The following PLCB1 variants were observed in gnomAD, a reference collection of about 807,000 sequenced individuals.
PLCB1 encodes the protein 1-phosphatidylinositol 4,5-bisphosphate phosphodiesterase beta-1.
PLCB1 carries 46 observed loss-of-function variants against 161.8 expected under a neutral mutation model. That is an observed-to-expected ratio of 0.28 (90% CI 0.22 to 0.36). The LOEUF (loss-of-function observed/expected upper bound fraction) is 0.36, where lower values mean the gene tolerates loss of function less well. PLCB1 is among the 10% of genes least tolerant of loss of function. The pLI, the probability that PLCB1 is intolerant of heterozygous loss-of-function variation, is 1.00. For synonymous variants in PLCB1, 517 were observed against 503.7 expected (o/e 1.03, Z -0.35); for missense variants, 1,016 against 1,472.5 (o/e 0.69, Z 5.07).
intron 2 of PLCB1, among the ~76,000 whole-genome samples, chr20:8,262,101 C>CAA (rs1389836555): frequency 6.6e-6 from 1 of 151,986 alleles, no homozygotes; most frequent in Non-Finnish European, 1.5e-5. Context: ...CTTGCTCTGT[C>CAA]AGAGTCTTGC....
intron 2 of PLCB1, among the ~76,000 whole-genome samples, chr20:8,262,050 T>A (rs1237273363): frequency 6.6e-6 from 1 of 152,046 alleles, no homozygotes; most frequent in East Asian, 1.9e-4. Flanking sequence ...TGTTTTTATG[T>A]GCGTTTTTGT....
chr20:8,696,931 C>T (rs1031492369), intron 10 of PLCB1, among the ~76,000 whole-genome samples: 1 of 152,134 alleles, frequency 6.6e-6, no homozygotes, highest in African/African-American at 2.4e-5. Context: ...GATGGGGTTT[C>T]ACCATGTTAG....
At chr20:8,515,672 C>A (rs1366894733) in intron 3 of PLCB1, among the ~76,000 whole-genome samples, 1 of 152,106 alleles carries the variant, frequency 6.6e-6, no homozygotes, top group Non-Finnish European at 1.5e-5. Context: ...TTGAGGGAGG[C>A]ACAATATAAA....
chr20:8,879,601 AAG>A (rs1168895074), intron 31 of PLCB1, among the ~76,000 whole-genome samples: 1 of 138,136 alleles, frequency 7.2e-6, no homozygotes, highest in Non-Finnish European at 1.6e-5. Context: ...TTGCCAGAAA[AAG>A]AAAAAGAAAA....
rs557702492 is a variant in PLCB1, at chr20:8,752,591, G to A, written c.2524-4455G>A. On this transcript the variant is annotated intron_variant, in intron 23 of 31. Coordinates refer to ENST00000338037, the MANE Select transcript of PLCB1 (RefSeq NM_015192.4). ...GTGGATCACTTGAGGTCAGGAGTTCGAGACCAGCCTGGCTAACATGGTGAA... is the reference window on the plus strand; with the variant it reads ...GTGGATCACTTGAGGTCAGGAGTTCAAGACCAGCCTGGCTAACATGGTGAA... Among the ~76,000 whole-genome samples, 16 of 152,096 alleles carry A rather than the reference G, an allele frequency of 1.1e-4. No homozygotes were observed. The South Asian group carries it at 1.9e-3, about 18-fold the overall frequency.
intron 3 of PLCB1, among the ~76,000 whole-genome samples, chr20:8,608,164 T>A (rs1193157861): frequency 6.6e-6 from 1 of 152,196 alleles, no homozygotes; most frequent in Non-Finnish European, 1.5e-5. Context: ...TGCTCTTTAA[T>A]GCATGCATGT....
chr20:8,743,463 C>T (rs1293956435), intron 23 of PLCB1, among the ~76,000 whole-genome samples: 1 of 152,124 alleles, frequency 6.6e-6, no homozygotes, highest in Non-Finnish European at 1.5e-5. Flanking sequence ...TTCTGTGTTG[C>T]AATTCATGCT....
At chr20:8,834,419 G>A (rs1043956733) in intron 31 of PLCB1, among the ~76,000 whole-genome samples, 1 of 151,952 alleles carries the variant, frequency 6.6e-6, no homozygotes, top group African/African-American at 2.4e-5. Context: ...ACATATGTAT[G>A]TGTATGTGTA....
chr20:8,330,100 A>T (rs1985309250), intron 2 of PLCB1, among the ~76,000 whole-genome samples: 1 of 152,216 alleles, frequency 6.6e-6, no homozygotes, highest in African/African-American at 2.4e-5. Context: ...TCTGCAAAAA[A>T]ATGTAGGACA....
intron 2 of PLCB1, among the ~76,000 whole-genome samples, chr20:8,294,782 T>G (rs1983554618): frequency 6.6e-6 from 1 of 151,782 alleles, no homozygotes; most frequent in Non-Finnish European, 1.5e-5. Flanking sequence ...AAATCCACTT[T>G]TAGGGATATA....
chr20:8,702,766 G>A (rs148698935), intron 11 of PLCB1, among the ~76,000 whole-genome samples: 3 of 152,108 alleles, frequency 2.0e-5, no homozygotes, highest in Non-Finnish European at 4.4e-5. Context: ...ACCAATTACA[G>A]CAAGTATGAA....
chr20:8,649,484 C>G, intron 7 of PLCB1, 35 bp downstream of exon 7: 1 of 1,446,888 alleles, frequency 6.9e-7, no homozygotes, highest in Non-Finnish European at 9.7e-7. Flanking sequence ...TTTGAATGTT[C>G]AGCCCCTCCA....
At chr20:8,641,101 A>G (rs145410665) in intron 4 of PLCB1, among the ~76,000 whole-genome samples, 65 of 152,348 alleles carry the variant, frequency 4.3e-4, no homozygotes, top group Admixed American at 1.7e-3. Flanking sequence ...CAACCAAAGC[A>G]TAATAAGTAT....
intron 13 of PLCB1, among the ~76,000 whole-genome samples, chr20:8,716,931 G>A (rs1299556795): frequency 2.0e-5 from 3 of 152,088 alleles, no homozygotes; most frequent in East Asian, 1.9e-4. Context: ...CAGTCCCTCC[G>A]CTCATTGCAA....
In PLCB1 at chr20:8,451,159, T is replaced by C. The variant is rs565442204; in HGVS notation, c.246+79709T>C. On this transcript the variant is annotated intron_variant, in intron 3 of 31. Coordinates refer to ENST00000338037, the MANE Select transcript of PLCB1 (RefSeq NM_015192.4). ...CAGCCACACGGTATTGATTCATCAC[T>C]TCCATATTCAGCTATGCCTATATAT... 6.6e-5 allele frequency among the ~76,000 whole-genome samples: 10 copies of C among 152,336 alleles called. No individual in the cohort carries two copies. In the East Asian group the frequency reaches 1.9e-3, roughly 29 times the overall value.
chr20:8,884,566 G>A lies in PLCB1; in HGVS notation c.*2717G>A, dbSNP rs763021921. 4 of 152,462 alleles carry A rather than the reference G, an allele frequency of 2.6e-5. No homozygotes were observed. Among genetic ancestry groups the A allele is most frequent in the Non-Finnish European group, 5.9e-5 (4 of 68,028 alleles). 9.4% of individuals were successfully genotyped at this position (152,462 alleles called of 1,614,324 possible). Reference sequence around the variant, plus strand: ...CCATACATTAATTAATACTCCTGTAGTAGATAAGCTGTCATTAAGTAATTC... The same window carrying A: ...CCATACATTAATTAATACTCCTGTAATAGATAAGCTGTCATTAAGTAATTC... On this transcript the variant is annotated 3_prime_UTR_variant, in exon 32 of 32. Coordinates refer to ENST00000338037, the MANE Select transcript of PLCB1 (RefSeq NM_015192.4).
intron 27 of PLCB1, among the ~76,000 whole-genome samples, chr20:8,775,223 A>C (rs1982889346): frequency 6.6e-6 from 1 of 152,170 alleles, no homozygotes; most frequent in African/African-American, 2.4e-5. Flanking sequence ...TCCCTATGAA[A>C]GGAAATGCCA....
chr20:8,509,729 CATAGATAGATAGATAGATAGATAGATAG>C (rs11468649), intron 3 of PLCB1, among the ~76,000 whole-genome samples: 9 of 147,928 alleles, frequency 6.1e-5, no homozygotes, highest in African/African-American at 1.5e-4. Context: ...ATAGGCAGAT[CATAGATAGATAGATAGATAGATAGATAG>C]ATAGATAGAT....
intron 11 of PLCB1, among the ~76,000 whole-genome samples, chr20:8,704,373 A>G (rs1345118063): frequency 6.6e-6 from 1 of 152,112 alleles, no homozygotes; most frequent in Non-Finnish European, 1.5e-5. Flanking sequence ...AAAAGAAAAG[A>G]AAAGTTAGCA....
Sources: gnomAD v4.1 joint callset for allele counts (sites outside exome capture counted in the v4.1 genomes callset) on GRCh38, gnomAD v4.1.1 for gene constraint, MANE v1.5 for transcripts, NCBI Gene and HGNC (gene_info 2026-07-23, HGNC 2026-07-21) for gene names.